EXOC6B: variants seen among roughly 807,000 people sequenced by gnomAD.
The protein encoded by EXOC6B is exocyst complex component 6B.
A neutral mutation model predicts 113.5 loss-of-function variants in EXOC6B; 54 were observed. That is an observed-to-expected ratio of 0.48 (90% CI 0.38 to 0.60). The LOEUF (loss-of-function observed/expected upper bound fraction) is 0.60, where lower values mean the gene tolerates loss of function less well. EXOC6B is among the 20% of genes least tolerant of loss of function. EXOC6B has a pLI of 0.00. For synonymous variants in EXOC6B, 357 were observed against 339.0 expected (o/e 1.05, Z -0.58); for missense variants, 797 against 977.5 (o/e 0.82, Z 2.46).
intron 6 of EXOC6B, among the ~76,000 whole-genome samples, chr2:72,671,755 GAAAGAA>G (rs1558902626): frequency 0.064 from 946 of 14,722 alleles, 29 homozygotes; most frequent in Middle Eastern, 0.11. Context: ...GACAGAGAAA[GAAAGAA>G]AGAAAGAAAG....
intron 6 of EXOC6B, among the ~76,000 whole-genome samples, chr2:72,663,754 ATT>A (rs1211232587): frequency 1.3e-5 from 2 of 152,202 alleles, no homozygotes; most frequent in African/African-American, 2.4e-5. Context: ...CAGTGAAACT[ATT>A]CCATAATATT....
chr2:72,646,603 C>T (rs1673734465), intron 6 of EXOC6B, among the ~76,000 whole-genome samples: 2 of 152,104 alleles, frequency 1.3e-5, no homozygotes, highest in Admixed American at 6.5e-5. Flanking sequence ...TTATCCACCA[C>T]AATCAAGTCG....
intron 6 of EXOC6B, among the ~76,000 whole-genome samples, chr2:72,699,826 T>C (rs887030540): frequency 3.3e-5 from 5 of 152,148 alleles, no homozygotes; most frequent in Non-Finnish European, 5.9e-5. Flanking sequence ...AAGACCACCA[T>C]GGTTCAAGAT....
In EXOC6B at chr2:72,410,591, TG is replaced by T. The variant is rs548876304; in HGVS notation, c.1981-30722del. ...CTTACAATGGTTAAATAGATGAATA[TG>T]GTAGAAATACTGAAAAATCACACAC... On this transcript the variant is annotated intron_variant, in intron 18 of 21. Coordinates refer to ENST00000272427, the MANE Select transcript of EXOC6B (RefSeq NM_015189.3). Among the ~76,000 whole-genome samples the T allele has an allele frequency of 3.6e-4, 55 of 152,308 alleles. 2 individuals carry two copies. In the South Asian group the frequency reaches 0.011, roughly 30 times the overall value.
At chr2:72,501,739 C>A (rs1347545198) in intron 11 of EXOC6B, among the ~76,000 whole-genome samples, 57 of 143,518 alleles carry the variant, frequency 4.0e-4, no homozygotes, top group South Asian at 2.5e-3. Flanking sequence ...AAAAAAAAAA[C>A]CAAAACAAAA....
chr2:72,373,061 A>G (rs1416824246), intron 19 of EXOC6B, among the ~76,000 whole-genome samples: 4 of 151,448 alleles, frequency 2.6e-5, no homozygotes, highest in Non-Finnish European at 5.9e-5. Flanking sequence ...CAGTCTCGGA[A>G]GACTTTTTTT....
chr2:72,330,628 A>G (rs1688367895), intron 20 of EXOC6B, among the ~76,000 whole-genome samples: 1 of 152,042 alleles, frequency 6.6e-6, no homozygotes, highest in African/African-American at 2.4e-5. Context: ...AGGCCTCTCT[A>G]CTTCACGGCC....
intron 8 of EXOC6B, among the ~76,000 whole-genome samples, chr2:72,537,724 T>C (rs1013844793): frequency 7.9e-5 from 12 of 152,184 alleles, no homozygotes; most frequent in African/African-American, 2.7e-4. Context: ...AGCACGAAGA[T>C]TTCTGGGTCA....
At chr2:72,419,468 G>C (rs1255418117) in intron 18 of EXOC6B, among the ~76,000 whole-genome samples, 1 of 152,120 alleles carries the variant, frequency 6.6e-6, no homozygotes. Flanking sequence ...CATTCATTAA[G>C]ATTTCTTGCA....
At chr2:72,485,153 T>C (rs1193693848) in intron 16 of EXOC6B, among the ~76,000 whole-genome samples, 1 of 152,220 alleles carries the variant, frequency 6.6e-6, no homozygotes, top group East Asian at 1.9e-4. Context: ...AACACCCCAG[T>C]GGAACCTGAA....
chr2:72,574,108 T>C (rs1191933811), intron 7 of EXOC6B, among the ~76,000 whole-genome samples: 1 of 52,586 alleles, frequency 1.9e-5, no homozygotes, highest in Middle Eastern at 0.01. Context: ...AGAGACTCCA[T>C]CGCAAAAAAA....
intron 18 of EXOC6B, chr2:72,464,280 C>T (rs1440751232): frequency 1.3e-5 from 2 of 152,150 alleles, no homozygotes; most frequent in Admixed American, 1.3e-4. Context: ...CGAAAGAGTA[C>T]AGGAGGCTGA....
intron 1 of EXOC6B, among the ~76,000 whole-genome samples, chr2:72,800,766 A>C (rs1685232485): frequency 6.6e-6 from 1 of 152,210 alleles, no homozygotes; most frequent in South Asian, 2.1e-4. Context: ...ACTACACCAC[A>C]ATAAAATTTA....
intron 16 of EXOC6B, among the ~76,000 whole-genome samples, chr2:72,489,613 T>C (rs1425785966): frequency 6.6e-6 from 1 of 152,148 alleles, no homozygotes; most frequent in African/African-American, 2.4e-5. Context: ...GAAAGCAAAG[T>C]AATTTGCCCA....
intron 18 of EXOC6B, among the ~76,000 whole-genome samples, chr2:72,450,480 T>G (rs1348371442): frequency 6.6e-6 from 1 of 152,060 alleles, no homozygotes; most frequent in Non-Finnish European, 1.5e-5. Flanking sequence ...ATTAAAACAG[T>G]GAGAGAGTGT....
chr2:72,183,840 A>G (rs558934486), intron 21 of EXOC6B, among the ~76,000 whole-genome samples: 2 of 152,156 alleles, frequency 1.3e-5, no homozygotes, highest in African/African-American at 4.8e-5. Flanking sequence ...TCAGAATCCA[A>G]TTCTGATCCA....
At chr2:72,434,526 G>A (rs755767585) in intron 18 of EXOC6B, among the ~76,000 whole-genome samples, 1 of 152,138 alleles carries the variant, frequency 6.6e-6, no homozygotes, top group Non-Finnish European at 1.5e-5. Flanking sequence ...CTGTGAATCC[G>A]TCTGGTCCTG....
intron 8 of EXOC6B, among the ~76,000 whole-genome samples, chr2:72,550,803 CT>C (rs373276077): frequency 3.3e-4 from 50 of 152,192 alleles, no homozygotes; most frequent in African/African-American, 1.0e-3. Flanking sequence ...ACCAGAACCC[CT>C]ATCTACATGT....
At chr2:72,601,107 T>G (rs889369810) in intron 6 of EXOC6B, among the ~76,000 whole-genome samples, 1 of 148,234 alleles carries the variant, frequency 6.7e-6, no homozygotes, top group Non-Finnish European at 1.5e-5. Flanking sequence ...GCTACATATA[T>G]ATATATGTGT....
Sources: gnomAD v4.1 joint callset for allele counts (sites outside exome capture counted in the v4.1 genomes callset) on GRCh38, gnomAD v4.1.1 for gene constraint, MANE v1.5 for transcripts, NCBI Gene and HGNC (gene_info 2026-07-23, HGNC 2026-07-21) for gene names.